SRGAP1: variants seen among roughly 807,000 people sequenced by gnomAD.
SRGAP1 encodes SLIT-ROBO Rho GTPase-activating protein 1.
In SRGAP1, 43 loss-of-function variants were observed where a neutral mutation model predicts 121.9. That is an observed-to-expected ratio of 0.35 (90% CI 0.28 to 0.46). The LOEUF is 0.46. Among genes scored for constraint, SRGAP1 ranks in the 20% least tolerant of loss-of-function variants. The probability of loss-of-function intolerance (pLI) is 1.00; values close to 1 mark genes in which losing one functional copy is unlikely to be tolerated. For synonymous variants in SRGAP1, 447 were observed against 485.4 expected (o/e 0.92, Z 1.04); for missense variants, 1,102 against 1,350.9 (o/e 0.82, Z 2.89).
intron 1 of SRGAP1, among the ~76,000 whole-genome samples, chr12:63,921,227 A>G (rs1243949186): frequency 6.6e-6 from 1 of 152,212 alleles, no homozygotes; most frequent in African/African-American, 2.4e-5. Context: ...AATGCCAGCT[A>G]CGTTACCACC....
intron 18 of SRGAP1, among the ~76,000 whole-genome samples, chr12:64,122,504 G>C (rs1011138365): frequency 3.3e-5 from 5 of 152,178 alleles, no homozygotes. Flanking sequence ...GATGTACTAG[G>C]ATTGCCAATA....
rs531640377 is a variant in SRGAP1 at position 64,002,894 on chromosome 12, T to G, written c.426+12822T>G. Among the ~76,000 whole-genome samples the G allele has an allele frequency of 2.0e-5, 3 of 152,110 alleles. No homozygotes were observed. The South Asian group carries it at 6.2e-4, about 32-fold the overall frequency. On this transcript the variant is annotated intron_variant, in intron 3 of 21. Transcript: ENST00000355086. ...GAATATCCAGAACACAATCCAAAAT[T>G]ACTCAGCATACAAAGAACCAGATAA...
At chr12:63,922,479 G>A (rs1467106916) in intron 1 of SRGAP1, among the ~76,000 whole-genome samples, 2 of 152,156 alleles carry the variant, frequency 1.3e-5, no homozygotes, top group Non-Finnish European at 2.9e-5. Context: ...TCTTTACTTA[G>A]CATGTTACCT....
At chr12:63,845,410 A>T (rs1291083955) in intron 1 of SRGAP1, among the ~76,000 whole-genome samples, 1 of 152,174 alleles carries the variant, frequency 6.6e-6, no homozygotes, top group African/African-American at 2.4e-5. Flanking sequence ...TTTATTAAAT[A>T]GCTCCCTAAA....
chr12:63,990,094 A>G (rs775390980), intron 3 of SRGAP1, 22 bp downstream of exon 3: 5 of 1,565,206 alleles, frequency 3.2e-6, no homozygotes, highest in East Asian at 2.3e-5. Context: ...AAATCCTGCC[A>G]TAGTGTGCTT....
intron 1 of SRGAP1, among the ~76,000 whole-genome samples, chr12:63,870,720 A>C (rs573620082): frequency 6.6e-6 from 1 of 151,802 alleles, no homozygotes; most frequent in Admixed American, 6.6e-5. Flanking sequence ...TTGTATTTTT[A>C]GTAGAGATGG....
chr12:63,883,277 T>G (rs896937842), intron 1 of SRGAP1, among the ~76,000 whole-genome samples: 1 of 152,212 alleles, frequency 6.6e-6, no homozygotes, highest in Non-Finnish European at 1.5e-5. Flanking sequence ...GGTCCTGCCC[T>G]TTGTCCATCC....
intron 7 of SRGAP1, 114 bp from the exon 8 acceptor site, chr12:64,065,004 A>G (rs2035512074): frequency 2.9e-6 from 2 of 686,272 alleles, no homozygotes; most frequent in Non-Finnish European, 4.8e-6. Flanking sequence ...GTAAATATGT[A>G]ATTGGAACCT....
At position 64,152,658 on chromosome 12, in the gene SRGAP1, T is replaced by C. The variant is rs1019497582; in HGVS notation, c.*9986T>C. ...TGTGATGCTGTGTGCTCCCTCCGCA[T>C]ATACTTCATGTCATTCCTCAGCCTA... is the stretch of plus-strand genomic sequence containing the variant. On this transcript the variant is annotated 3_prime_UTR_variant, in exon 22 of 22. Coordinates refer to ENST00000355086, the MANE Select transcript of SRGAP1 (RefSeq NM_020762.4). The C allele has an allele frequency of 1.3e-5, 2 of 152,182 alleles. No homozygotes were observed. The highest frequency in any genetic ancestry group is 4.8e-5 in the African/African-American group (2 of 41,440). The allele number at this position is 152,182 out of a possible 1,614,324, so 9.4% of individuals were successfully genotyped here. A position where few individuals can be genotyped will look rare whatever the true frequency, so the allele number is the denominator to read the frequency against.
In SRGAP1 at chr12:64,158,639, G is replaced by A. The variant is rs911314216; in HGVS notation, c.*15967G>A. ...ATACGAAAATTAGCCGGGCATGGTG[G>A]CGTGCACCTGTAGTCCCAGCTACTC... On this transcript the variant is annotated 3_prime_UTR_variant, in exon 22 of 22. Transcript: ENST00000355086. 8 of 152,134 alleles carry A rather than the reference G, an allele frequency of 5.3e-5. No individual in the cohort carries two copies. The highest frequency in any genetic ancestry group is 1.0e-4 in the Non-Finnish European group (7 of 68,056). The allele number at this position is 152,134 out of a possible 1,614,324, so 9.4% of individuals were successfully genotyped here. A position where few individuals can be genotyped will look rare whatever the true frequency, so the allele number is the denominator to read the frequency against.
Position 63,932,142 on chromosome 12 carries a change from G to A in SRGAP1, c.68-51805G>A, listed in dbSNP as rs574634195. Among the ~76,000 whole-genome samples the A allele has an allele frequency of 1.1e-3, 165 of 152,234 alleles. No homozygotes were observed. The Middle Eastern group carries it at 0.014, about 13-fold the overall frequency. ...AATACAAAAAAAAAATTAGCTGGGC[G>A]TGGTGGCACATGCCTGTAATCCCAG... On this transcript the variant is annotated intron_variant, in intron 1 of 21. Transcript: ENST00000355086.
At chr12:63,910,927 C>T (rs1486110050) in intron 1 of SRGAP1, among the ~76,000 whole-genome samples, 1 of 152,058 alleles carries the variant, frequency 6.6e-6, no homozygotes, top group Non-Finnish European at 1.5e-5. Flanking sequence ...GAGATGTGGA[C>T]ATGTTTTGAG....
intron 3 of SRGAP1, among the ~76,000 whole-genome samples, chr12:63,996,431 A>AT (rs951356892): frequency 5.3e-4 from 80 of 151,876 alleles, no homozygotes; most frequent in African/African-American, 1.7e-3. Flanking sequence ...TAAATCTATG[A>AT]TTTTTTTTCT....
At chr12:64,043,322 C>A in intron 5 of SRGAP1, 125 bp from the exon 6 acceptor site, 2 of 968,386 alleles carry the variant, frequency 2.1e-6, no homozygotes, top group Non-Finnish European at 3.0e-6. Context: ...TGGCAAAGGA[C>A]TTTCAGGGTC....
chr12:64,091,754 C>T, intron 12 of SRGAP1: 1 of 647,852 alleles, frequency 1.5e-6, no homozygotes, highest in Non-Finnish European at 2.6e-6. Context: ...CTCTGAAACA[C>T]AGCAGGAGTT....
At chr12:64,105,044 C>A (rs1383428056) in intron 15 of SRGAP1, among the ~76,000 whole-genome samples, 1 of 152,124 alleles carries the variant, frequency 6.6e-6, no homozygotes, top group African/African-American at 2.4e-5. Context: ...CGGTACTCAT[C>A]AAACAATAAC....
At chr12:63,934,684 T>C (rs1439588161) in intron 1 of SRGAP1, among the ~76,000 whole-genome samples, 1 of 152,072 alleles carries the variant, frequency 6.6e-6, no homozygotes, top group Non-Finnish European at 1.5e-5. Context: ...TAAATATCCA[T>C]AGACTGATGG....
chr12:64,088,154 G>A (rs539343242), intron 11 of SRGAP1, among the ~76,000 whole-genome samples: 1 of 152,238 alleles, frequency 6.6e-6, no homozygotes, highest in Non-Finnish European at 1.5e-5. Context: ...TATTCATAAG[G>A]AAGCCCCTCG....
intron 1 of SRGAP1, among the ~76,000 whole-genome samples, chr12:63,954,014 G>C (rs183095529): frequency 1.1e-3 from 162 of 152,150 alleles, no homozygotes; most frequent in African/African-American, 3.8e-3. Flanking sequence ...AATTCTCTTT[G>C]CTATTCTACA....
Sources: allele counts gnomAD v4.1 joint callset (sites outside exome capture counted in the v4.1 genomes callset), GRCh38; gene constraint gnomAD v4.1.1; transcripts MANE v1.5; gene names NCBI Gene and HGNC (gene_info 2026-07-23, HGNC 2026-07-21).